The following FYN variants were observed in gnomAD, a reference collection of about 807,000 sequenced individuals.
The protein encoded by FYN is FYN proto-oncogene, Src family tyrosine kinase, also known as tyrosine-protein kinase Fyn.
In FYN, 10 loss-of-function variants were observed where a neutral mutation model predicts 70.2. The observed-to-expected ratio is 0.14, with a 90% CI of 0.09 to 0.24. FYN has a LOEUF of 0.24. Ranked by LOEUF, FYN falls within the 10% of genes least tolerant of loss-of-function variation. The probability of loss-of-function intolerance (pLI) is 1.00; values close to 1 mark genes in which losing one functional copy is unlikely to be tolerated. For missense variants in FYN, 319 were observed against 673.1 expected (o/e 0.47, Z 5.82); for synonymous variants, 236 against 248.6 (o/e 0.95, Z 0.48).
intron 12 of FYN, among the ~76,000 whole-genome samples, chr6:111,679,126 C>A (rs1583296570): frequency 6.6e-6 from 1 of 152,238 alleles, no homozygotes; most frequent in Admixed American, 6.5e-5. Context: ...CCTTCTTTGA[C>A]TGCTTTGCAA....
chr6:111,683,731 A>G (rs937387803), intron 12 of FYN, among the ~76,000 whole-genome samples: 1 of 152,184 alleles, frequency 6.6e-6, no homozygotes, highest in African/African-American at 2.4e-5. Context: ...ATAAAACAAA[A>G]AAAAAAAATC....
At chr6:111,699,052 C>A (rs1410476898) in intron 9 of FYN, among the ~76,000 whole-genome samples, 2 of 152,176 alleles carry the variant, frequency 1.3e-5, no homozygotes, top group Non-Finnish European at 2.9e-5. Flanking sequence ...CATTGCACTC[C>A]AGCCTAGTGA....
At chr6:111,678,224 A>G (rs1026002159) in intron 12 of FYN, among the ~76,000 whole-genome samples, 2 of 151,644 alleles carry the variant, frequency 1.3e-5, no homozygotes, top group South Asian at 2.1e-4. Context: ...CAAACTCCCA[A>G]GGTAAACTCA....
At chr6:111,771,712 C>T (rs1251155005) in intron 3 of FYN, among the ~76,000 whole-genome samples, 3 of 152,212 alleles carry the variant, frequency 2.0e-5, no homozygotes, top group Admixed American at 6.5e-5. Context: ...TGGTGAGTTC[C>T]GTGTATCTGA....
chr6:111,741,900 C>G (rs1476678074), intron 3 of FYN, among the ~76,000 whole-genome samples: 1 of 152,204 alleles, frequency 6.6e-6, no homozygotes, highest in Non-Finnish European at 1.5e-5. Context: ...GTTATGCTGG[C>G]TGTGCTGGTC....
chr6:111,712,708 C>G (rs1406307055), intron 5 of FYN, among the ~76,000 whole-genome samples: 1 of 152,160 alleles, frequency 6.6e-6, no homozygotes, highest in African/African-American at 2.4e-5. Flanking sequence ...ACATCAGGAG[C>G]CTTCAATGAA....
intron 2 of FYN, among the ~76,000 whole-genome samples, chr6:111,784,491 C>T (rs1771292850): frequency 6.6e-6 from 1 of 152,194 alleles, no homozygotes; most frequent in Non-Finnish European, 1.5e-5. Context: ...AACCATGGTA[C>T]ATTTGCACAT....
intron 3 of FYN, chr6:111,759,763 C>T (rs553853095): frequency 6.6e-6 from 1 of 152,314 alleles, no homozygotes; most frequent in African/African-American, 2.4e-5. Flanking sequence ...GAAAGCTCCC[C>T]GACGGCAACG....
chr6:111,771,600 A>C (rs982785935), intron 3 of FYN, among the ~76,000 whole-genome samples: 1 of 152,244 alleles, frequency 6.6e-6, no homozygotes, highest in African/African-American at 2.4e-5. Flanking sequence ...AAACAAACAT[A>C]CAAACAAATG....
chr6:111,788,898 C>A (rs970198693), intron 2 of FYN, among the ~76,000 whole-genome samples: 2 of 151,980 alleles, frequency 1.3e-5, no homozygotes, highest in East Asian at 3.9e-4. Context: ...GAGGGGTGCT[C>A]TGAGAAGGCA....
chr6:111,719,036 T>C (rs565795320), intron 4 of FYN, among the ~76,000 whole-genome samples: 21 of 152,312 alleles, frequency 1.4e-4, no homozygotes, highest in Non-Finnish European at 2.6e-4. Context: ...ATATAAGACA[T>C]CTGCTGCCAG....
chr6:111,742,924 A>C (rs1802042784), intron 3 of FYN, among the ~76,000 whole-genome samples: 1 of 152,104 alleles, frequency 6.6e-6, no homozygotes, highest in African/African-American at 2.4e-5. Context: ...AAGTTTGAGA[A>C]AGTGCTATAA....
intron 2 of FYN, among the ~76,000 whole-genome samples, chr6:111,791,257 C>G (rs1311384682): frequency 6.6e-6 from 1 of 152,088 alleles, no homozygotes; most frequent in Non-Finnish European, 1.5e-5. Flanking sequence ...ACACAGTCAC[C>G]TAACTTATGC....
intron 2 of FYN, among the ~76,000 whole-genome samples, chr6:111,807,817 G>A (rs900117220): frequency 2.0e-5 from 3 of 152,058 alleles, no homozygotes; most frequent in African/African-American, 7.2e-5. Context: ...TGCTATTAAA[G>A]GTGAGGTCAG....
At chr6:111,690,725 A>G (rs962728641) in intron 12 of FYN, among the ~76,000 whole-genome samples, 3 of 152,222 alleles carry the variant, frequency 2.0e-5, no homozygotes, top group Admixed American at 6.5e-5. Context: ...GCAAAAATGC[A>G]TACAGCAGAC....
intron 2 of FYN, among the ~76,000 whole-genome samples, chr6:111,784,224 C>T (rs903953651): frequency 6.6e-6 from 1 of 152,068 alleles, no homozygotes; most frequent in Non-Finnish European, 1.5e-5. Context: ...ATTAGGTTGG[C>T]GTTGAAGTCT....
At chr6:111,779,705 A>T (rs750002556) in intron 3 of FYN, among the ~76,000 whole-genome samples, 7 of 152,162 alleles carry the variant, frequency 4.6e-5, no homozygotes. Context: ...GGGATGCTCT[A>T]GCAACATCAA....
At chr6:111,670,207 G>A (rs563451051) in intron 13 of FYN, among the ~76,000 whole-genome samples, 96 of 152,202 alleles carry the variant, frequency 6.3e-4, no homozygotes, top group Non-Finnish European at 1.3e-3. Context: ...TTTGCCCCTG[G>A]GGCCTCTGGG....
chr6:111,764,237 A>AG (rs1803130428), intron 3 of FYN, among the ~76,000 whole-genome samples: 1 of 145,354 alleles, frequency 6.9e-6, no homozygotes, highest in African/African-American at 2.6e-5. Context: ...AAAAAAGAAA[A>AG]GAAAAAAAAA....
Sources: gnomAD v4.1 joint callset for allele counts (sites outside exome capture counted in the v4.1 genomes callset) on GRCh38, gnomAD v4.1.1 for gene constraint, MANE v1.5 for transcripts, NCBI Gene and HGNC (gene_info 2026-07-23, HGNC 2026-07-21) for gene names.